Variants in DCC observed in about 807,000 individuals in gnomAD.
DCC encodes netrin receptor DCC.
A neutral mutation model predicts 172.5 loss-of-function variants in DCC; 58 were observed. That is an observed-to-expected ratio of 0.34 (90% CI 0.27 to 0.42). The LOEUF is 0.42. Ranked by LOEUF, DCC falls within the 10% of genes least tolerant of loss-of-function variation. DCC has a pLI of 1.00. For missense variants in DCC, 1,740 were observed against 1,791.0 expected, an observed-to-expected ratio of 0.97 and a Z score of 0.51; for synonymous variants, 709 against 644.5, an observed-to-expected ratio of 1.10 and a Z score of -1.52.
At chr18:52,869,958 C>A (rs1258562828) in intron 2 of DCC, among the ~76,000 whole-genome samples, 1 of 152,196 alleles carries the variant, frequency 6.6e-6, no homozygotes, top group Non-Finnish European at 1.5e-5. Flanking sequence ...AGGGCTACAG[C>A]CCCAGCCATG....
intron 1 of DCC, among the ~76,000 whole-genome samples, chr18:52,467,660 A>G (rs548654648): frequency 1.3e-5 from 2 of 152,270 alleles, no homozygotes; most frequent in Admixed American, 6.5e-5. Context: ...TTACATTCCC[A>G]CCAACAGCGT....
chr18:52,780,387 T>C (rs1252079388), intron 2 of DCC, among the ~76,000 whole-genome samples: 1 of 152,178 alleles, frequency 6.6e-6, no homozygotes, highest in Non-Finnish European at 1.5e-5. Context: ...TTTCAAAATA[T>C]ATAGTCTCTA....
At position 52,448,832 on chromosome 18, in the gene DCC, C is replaced by T. The variant is rs1043796268; in HGVS notation, c.91+107954C>T. ...CTTTCACCCTAGTTGTCCCTAATGG[C>T]TTGCCAAATGTATTAAAATGATTTT... On this transcript the variant is annotated intron_variant, in intron 1 of 28. Transcript: ENST00000442544. Among the ~76,000 whole-genome samples, 4 of 152,322 alleles carry T rather than the reference C, an allele frequency of 2.6e-5. No individual in the cohort carries two copies. In the East Asian group the frequency reaches 5.8e-4, roughly 22 times the overall value.
intron 1 of DCC, among the ~76,000 whole-genome samples, chr18:52,648,503 C>T (rs1179156020): frequency 1.3e-5 from 2 of 152,180 alleles, no homozygotes; most frequent in Non-Finnish European, 2.9e-5. Context: ...AAATATCATT[C>T]TGTAGGACTT....
At chr18:53,059,149 C>T (rs1191344689) in intron 5 of DCC, among the ~76,000 whole-genome samples, 2 of 152,004 alleles carry the variant, frequency 1.3e-5, no homozygotes, top group Non-Finnish European at 2.9e-5. Context: ...TGTGAGAACT[C>T]GCTCACTATC....
chr18:52,378,020 T>G (rs1351917440), intron 1 of DCC, among the ~76,000 whole-genome samples: 1 of 152,036 alleles, frequency 6.6e-6, no homozygotes, highest in African/African-American at 2.4e-5. Flanking sequence ...TTTTTTTTCT[T>G]TTTTCCCTTG....
intron 5 of DCC, among the ~76,000 whole-genome samples, chr18:52,926,435 T>C (rs2040203052): frequency 6.6e-6 from 1 of 151,824 alleles, no homozygotes; most frequent in Admixed American, 6.6e-5. Context: ...GAGGTAGTAT[T>C]ATACTAACTA....
chr18:52,347,602 T>C (rs1203140269), intron 1 of DCC, among the ~76,000 whole-genome samples: 4 of 152,174 alleles, frequency 2.6e-5, no homozygotes, highest in South Asian at 4.1e-4. Flanking sequence ...AGCAGTTCTC[T>C]CTTTTAGTTT....
intron 2 of DCC, among the ~76,000 whole-genome samples, chr18:52,766,120 G>A: frequency 6.6e-6 from 1 of 152,180 alleles, no homozygotes; most frequent in East Asian, 1.9e-4. Flanking sequence ...CCATTTTGGT[G>A]CCGGTAGGAT....
intron 15 of DCC, among the ~76,000 whole-genome samples, chr18:53,384,368 T>TA (rs1907984847): frequency 6.6e-6 from 1 of 152,124 alleles, no homozygotes; most frequent in Admixed American, 6.5e-5. Flanking sequence ...TCTGGATGCC[T>TA]AAAACATTAT....
intron 5 of DCC, among the ~76,000 whole-genome samples, chr18:52,996,283 T>C (rs529160661): frequency 6.8e-4 from 103 of 152,082 alleles, no homozygotes; most frequent in African/African-American, 2.4e-3. Context: ...TCTAATTATA[T>C]TGTTGTTTAA....
intron 22 of DCC, among the ~76,000 whole-genome samples, chr18:53,441,036 A>C (rs1247854710): frequency 6.6e-6 from 1 of 152,200 alleles, no homozygotes; most frequent in African/African-American, 2.4e-5. Context: ...TACCCACTGG[A>C]TGCCAGTAAT....
intron 27 of DCC, among the ~76,000 whole-genome samples, chr18:53,512,225 T>C: frequency 6.6e-6 from 1 of 151,412 alleles, no homozygotes; most frequent in East Asian, 1.9e-4. Flanking sequence ...CGGCAGGGTA[T>C]TCCAACAGAC....
chr18:53,321,222 A>G (rs911344656), intron 13 of DCC, among the ~76,000 whole-genome samples: 1 of 152,126 alleles, frequency 6.6e-6, no homozygotes, highest in African/African-American at 2.4e-5. Flanking sequence ...TTTTATCTTT[A>G]TCAGCGTTGT....
chr18:53,257,141 A>C (rs1205227328), intron 12 of DCC, among the ~76,000 whole-genome samples: 2 of 152,214 alleles, frequency 1.3e-5, no homozygotes, highest in South Asian at 4.1e-4. Flanking sequence ...CTAGATGTAC[A>C]ATCATGTCAT....
At chr18:52,868,078 T>TAC (rs2039258499) in intron 2 of DCC, among the ~76,000 whole-genome samples, 1 of 135,394 alleles carries the variant, frequency 7.4e-6, no homozygotes, top group Non-Finnish European at 1.5e-5. Context: ...TGTGTGTGTG[T>TAC]ATATATGTGT....
At chr18:53,312,653 C>CA (rs2057288585) in intron 13 of DCC, among the ~76,000 whole-genome samples, 1 of 149,732 alleles carries the variant, frequency 6.7e-6, no homozygotes, top group Admixed American at 6.7e-5. Context: ...ACTAAAAATA[C>CA]AAAAAATTAG....
At chr18:53,435,449 G>T (rs1911880965) in intron 22 of DCC, among the ~76,000 whole-genome samples, 1 of 152,070 alleles carries the variant, frequency 6.6e-6, no homozygotes, top group Admixed American at 6.6e-5. Flanking sequence ...ATGTAAAAAA[G>T]GAGTCAGTTA....
intron 2 of DCC, among the ~76,000 whole-genome samples, chr18:52,795,649 GTT>G (rs2037860445): frequency 6.6e-6 from 1 of 151,576 alleles, no homozygotes; most frequent in South Asian, 2.1e-4. Context: ...ATTTTGTTCT[GTT>G]TTCTTATTTT....
Sources: allele counts gnomAD v4.1 joint callset (sites outside exome capture counted in the v4.1 genomes callset), GRCh38; gene constraint gnomAD v4.1.1; transcripts MANE v1.5; gene names NCBI Gene and HGNC (gene_info 2026-07-23, HGNC 2026-07-21).